FSIP2: variants seen among roughly 807,000 people sequenced by gnomAD.
The protein encoded by FSIP2 is fibrous sheath-interacting protein 2.
Under a neutral mutation model 510.5 loss-of-function variants are expected in FSIP2, and 367 were observed. The ratio of observed to expected loss-of-function variants is 0.72; its 90% CI spans 0.66 to 0.78. FSIP2 has a LOEUF of 0.78. Ranked by LOEUF, FSIP2 falls within the 30% of genes least tolerant of loss-of-function variation. The probability of loss-of-function intolerance (pLI) is 0.00; values close to 1 mark genes in which losing one functional copy is unlikely to be tolerated. For synonymous variants in FSIP2, 2,601 were observed against 2,732.2 expected, an observed-to-expected ratio of 0.95 and a Z score of 1.50; for missense variants, 7,594 against 7,901.7, an observed-to-expected ratio of 0.96 and a Z score of 1.48.
At chr2:185,816,972 AAAAAAAG>A (rs1693839483) in intron 19 of FSIP2, among the ~76,000 whole-genome samples, 1 of 106,482 alleles carries the variant, frequency 9.4e-6, no homozygotes, top group South Asian at 3.9e-4. Context: ...AGAAGGAAAG[AAAAAAAG>A]AAAAGGAAGG....
At chr2:185,832,813 G>A (rs1413883129) in intron 22 of FSIP2, among the ~76,000 whole-genome samples, 2 of 151,838 alleles carry the variant, frequency 1.3e-5, no homozygotes, top group Non-Finnish European at 2.9e-5. Context: ...TGAGCATTCT[G>A]AAATAGGTGT....
chr2:185,782,608 A>T, intron 13 of FSIP2, 97 bp from the exon 14 acceptor site: 1 of 741,588 alleles, frequency 1.3e-6, no homozygotes, highest in East Asian at 2.7e-5. Flanking sequence ...TAAACGAGGC[A>T]GTGATAACAG....
intron 19 of FSIP2, among the ~76,000 whole-genome samples, chr2:185,820,219 G>A (rs1693889103): frequency 1.3e-5 from 2 of 151,982 alleles, no homozygotes; most frequent in Middle Eastern, 3.4e-3. Context: ...CATGAGATCT[G>A]ATTGTTCTGT....
rs181375982 is a variant in FSIP2, at chr2:185,769,106, T to C, written c.1411+4541T>C. On this transcript the variant is annotated intron_variant, in intron 13 of 22. Transcript: ENST00000424728. ...GCTGCAATGAACATACACATGCGTGTGTCTTTATGATAGAATGGTGTATGG... is the reference window on the plus strand; with the variant it reads ...GCTGCAATGAACATACACATGCGTGCGTCTTTATGATAGAATGGTGTATGG... Among the ~76,000 whole-genome samples, 36 of 152,298 alleles carry C rather than the reference T, an allele frequency of 2.4e-4. No individual in the cohort carries two copies. The East Asian group carries it at 6.8e-3, about 29-fold the overall frequency.
chr2:185,761,678 A>G (rs1692354766), intron 10 of FSIP2, among the ~76,000 whole-genome samples: 1 of 151,332 alleles, frequency 6.6e-6, no homozygotes, highest in Admixed American at 6.6e-5. Context: ...TAAACTTTTT[A>G]GAACCAACCA....
rs74508015 is a variant in FSIP2, at chr2:185,793,362, C to A, written c.6226C>A (p.Leu2076Met). ...TCAGCAAAAAGGTGTTATTGAAAAG[C>A]TGCTCAATGAGACCAAATATCGAAA... Reference protein sequence around the residue: ...LDQQKGVIEKLLNETKYRKVL... With the variant: ...LDQQKGVIEKMLNETKYRKVL... The change falls in exon 16 of 23, where the codon CTG (leucine) becomes ATG (methionine). Residue 2076 changes from leucine to methionine, a missense_variant. Transcript: ENST00000424728. 5,074 of 1,533,892 alleles carry A rather than the reference C, an allele frequency of 3.3e-3. 13 individuals are homozygous for A. The highest frequency in any genetic ancestry group is 7.2e-3 in the Middle Eastern group (43 of 5,976).
chr2:185,752,858 G>C (rs1313033530), intron 7 of FSIP2, among the ~76,000 whole-genome samples: 1 of 151,190 alleles, frequency 6.6e-6, no homozygotes, highest in Non-Finnish European at 1.5e-5. Context: ...TCTTTGATTG[G>C]ATGCCAGACA....
intron 9 of FSIP2, among the ~76,000 whole-genome samples, chr2:185,760,434 C>T (rs1692326753): frequency 6.7e-6 from 1 of 148,426 alleles, no homozygotes; most frequent in Non-Finnish European, 1.5e-5. Context: ...CACACATGAC[C>T]TGTACATGAA....
At chr2:185,763,923 A>G (rs1036908965) in intron 12 of FSIP2, among the ~76,000 whole-genome samples, 2 of 151,608 alleles carry the variant, frequency 1.3e-5, no homozygotes, top group Admixed American at 6.6e-5. Context: ...GATTTTCTGT[A>G]GTGCAGTTTT....
intron 15 of FSIP2, among the ~76,000 whole-genome samples, chr2:185,787,715 A>C (rs916398266): frequency 6.6e-6 from 1 of 151,782 alleles, no homozygotes. Context: ...GTTCAAATCT[A>C]TGACAGCAAC....
At chr2:185,778,794 A>G (rs899781585) in intron 13 of FSIP2, among the ~76,000 whole-genome samples, 1 of 152,082 alleles carries the variant, frequency 6.6e-6, no homozygotes, top group Non-Finnish European at 1.5e-5. Context: ...AGCTTATTAT[A>G]TATTCAAATA....
chr2:185,779,617 T>G (rs1295321674), intron 13 of FSIP2, among the ~76,000 whole-genome samples: 1 of 152,160 alleles, frequency 6.6e-6, no homozygotes, highest in Non-Finnish European at 1.5e-5. Flanking sequence ...TACTTATTAT[T>G]GTCCAATAGT....
chr2:185,747,292 C>T, intron 6 of FSIP2, 21 bp from the exon 7 acceptor site: 1 of 1,294,650 alleles, frequency 7.7e-7, no homozygotes, highest in South Asian at 1.3e-5. Flanking sequence ...ACACCAAGTG[C>T]AGTAACATTG....
Position 185,800,532 on chromosome 2 carries a change from C to T in FSIP2, c.11226C>T (p.Asn3742=). The T allele has an allele frequency of 6.5e-7, 1 of 1,529,204 alleles. No individual in the cohort carries two copies. 94.7% of individuals were successfully genotyped at this position (1,529,204 alleles called of 1,614,324 possible). The part of the protein sequence containing the change: ...NEQPNSILTN[N]LQLSSKSVFL... ...AACCTAATAGCATACTTACCAATAA[C>T]CTACAGCTCTCCTCAAAATCAGTTT... Residue 3742 remains asparagine, a synonymous_variant, in exon 17 of 23, where the codon AAC becomes AAT. Coordinates refer to ENST00000424728, the MANE Select transcript of FSIP2 (RefSeq NM_173651.4).
chr2:185,739,700 A>G (rs1037220401), intron 2 of FSIP2, among the ~76,000 whole-genome samples: 3 of 152,318 alleles, frequency 2.0e-5, no homozygotes, highest in Middle Eastern at 6.8e-3. Flanking sequence ...GTCCTTAATT[A>G]ACAATTCACG....
chr2:185,782,929 C>CAA lies in FSIP2; in HGVS notation c.1469+169_1469+170dup, dbSNP rs1434268491. 3.3e-5 allele frequency among the ~76,000 whole-genome samples: 5 copies of CAA among 152,284 alleles called. No homozygotes were observed. In the East Asian group the frequency reaches 9.7e-4, roughly 29 times the overall value. ...TTCAGCACTAAGCTTAAATTGTAGA[C>CAA]AAAGTGAATCATTGTCCTTTCCTTT... On this transcript the variant is annotated intron_variant, in intron 14 of 22. Transcript: ENST00000424728.
rs754095984 is a variant in FSIP2, at chr2:185,804,541, G to C, written c.15235G>C (p.Glu5079Gln). 199 of 1,523,130 alleles carry C rather than the reference G, an allele frequency of 1.3e-4. No homozygotes were observed. The highest frequency in any genetic ancestry group is 4.9e-4 in the South Asian group (40 of 81,580). 94.4% of individuals were successfully genotyped at this position (1,523,130 alleles called of 1,614,324 possible). ...QVQSLVSGEL[E>Q]SSSYSYPQAD... ...GCAGTCATTAGTTTCAGGAGAATTAGAGTCTTCTTCTTATTCGTATCCCCA... is the reference window on the plus strand; with the variant it reads ...GCAGTCATTAGTTTCAGGAGAATTACAGTCTTCTTCTTATTCGTATCCCCA... Residue 5079 changes from glutamate (E) to glutamine (Q), a missense_variant, in exon 17 of 23, where the codon GAG (glutamate) becomes CAG (glutamine). Transcript: ENST00000424728.
chr2:185,793,835 A>C lies in FSIP2; in HGVS notation c.6699A>C (p.Val2233=), dbSNP rs1407428125. The change falls in exon 16 of 23, where the codon GTA becomes GTC. Residue 2233 remains valine, a synonymous_variant. Transcript: ENST00000424728. ...AYADDNQITV[V]EKEDTQKSAT... ...CTGATGATAATCAGATAACTGTAGTAGAGAAAGAAGACACTCAGAAATCTG... is the reference window on the plus strand; with the variant it reads ...CTGATGATAATCAGATAACTGTAGTCGAGAAAGAAGACACTCAGAAATCTG... The C allele has an allele frequency of 1.3e-6, 2 of 1,532,870 alleles. No individual in the cohort carries two copies. The highest frequency in any genetic ancestry group is 3.9e-5 in the Admixed American group (2 of 50,686). The allele number at this position is 1,532,870 out of a possible 1,614,324, so 95.0% of individuals were successfully genotyped here.
Position 185,807,942 on chromosome 2 carries a change from A to G in FSIP2, c.18636A>G (p.Ile6212Met), listed in dbSNP as rs1399050582. The G allele has an allele frequency of 3.1e-6, 5 of 1,605,466 alleles. No individual in the cohort carries two copies. Among genetic ancestry groups the G allele is most frequent in the Middle Eastern group, 1.7e-4 (1 of 6,008 alleles). ...TKSLETDMQK[I>M]TSKVLNSVQE... ...CTCTAGAGACTGATATGCAAAAAATAACTTCAAAAGTACTAAATTCAGTCC... is the reference window on the plus strand; with the variant it reads ...CTCTAGAGACTGATATGCAAAAAATGACTTCAAAAGTACTAAATTCAGTCC... The change falls in exon 17 of 23, where the codon ATA becomes ATG. Residue 6212 changes from isoleucine to methionine, a missense_variant. Transcript: ENST00000424728.
Sources: allele counts gnomAD v4.1 joint callset (sites outside exome capture counted in the v4.1 genomes callset), GRCh38; gene constraint gnomAD v4.1.1; transcripts MANE v1.5; gene names NCBI Gene and HGNC (gene_info 2026-07-23, HGNC 2026-07-21).